The following EPHA5 variants were observed in gnomAD, a reference collection of about 807,000 sequenced individuals.
EPHA5 encodes EPH receptor A5, also known as ephrin type-A receptor 5.
A neutral mutation model predicts 105.0 loss-of-function variants in EPHA5; 60 were observed. The ratio of observed to expected loss-of-function variants is 0.57; its 90% CI spans 0.46 to 0.71. The LOEUF (loss-of-function observed/expected upper bound fraction) is 0.71, where lower values mean the gene tolerates loss of function less well. Ranked by LOEUF, EPHA5 falls within the 30% of genes least tolerant of loss-of-function variation. The pLI is 0.00. For synonymous variants in EPHA5, 513 were observed against 449.1 expected (o/e 1.14, Z -1.80); for missense variants, 1,218 against 1,274.7 (o/e 0.96, Z 0.68).
chr4:65,338,136 C>CT (rs1721359813), intron 14 of EPHA5, among the ~76,000 whole-genome samples: 1 of 151,760 alleles, frequency 6.6e-6, no homozygotes, highest in Non-Finnish European at 1.5e-5. Context: ...AATAACAATG[C>CT]TAAACAAGCC....
At chr4:65,558,130 A>C (rs1009531637) in intron 3 of EPHA5, among the ~76,000 whole-genome samples, 1 of 151,850 alleles carries the variant, frequency 6.6e-6, no homozygotes, top group Non-Finnish European at 1.5e-5. Context: ...GCCCACCTCA[A>C]CCTCCCAAAG....
intron 2 of EPHA5, among the ~76,000 whole-genome samples, chr4:65,640,282 CTTTTT>C (rs869149037): frequency 1.1e-5 from 1 of 92,224 alleles, no homozygotes; most frequent in Non-Finnish European, 2.0e-5. Context: ...TCAGTTTTTT[CTTTTT>C]TTTTTTTTTT....
At chr4:65,454,835 G>A (rs1181396808) in intron 5 of EPHA5, among the ~76,000 whole-genome samples, 2 of 152,218 alleles carry the variant, frequency 1.3e-5, no homozygotes, top group Non-Finnish European at 1.5e-5. Flanking sequence ...AATGGGTTAT[G>A]AATAGCCTTT....
At chr4:65,525,285 A>T (rs1735124540) in intron 3 of EPHA5, among the ~76,000 whole-genome samples, 1 of 151,764 alleles carries the variant, frequency 6.6e-6, no homozygotes, top group Non-Finnish European at 1.5e-5. Flanking sequence ...TATAAAAGAG[A>T]AATAATTTAA....
intron 11 of EPHA5, among the ~76,000 whole-genome samples, chr4:65,363,621 T>C (rs1002510614): frequency 1.3e-5 from 2 of 151,520 alleles, no homozygotes; most frequent in African/African-American, 2.4e-5. Context: ...GTGAATAAGG[T>C]GATGGAGACA....
At chr4:65,539,926 A>G (rs1298061981) in intron 3 of EPHA5, among the ~76,000 whole-genome samples, 1 of 151,456 alleles carries the variant, frequency 6.6e-6, no homozygotes, top group African/African-American at 2.4e-5. Context: ...CACATATGTT[A>G]TCACTATATT....
At chr4:65,618,648 A>T (rs189996569) in intron 2 of EPHA5, among the ~76,000 whole-genome samples, 26 of 152,308 alleles carry the variant, frequency 1.7e-4, no homozygotes, top group African/African-American at 5.5e-4. Flanking sequence ...CGAATTTTAC[A>T]GTAATACTAA....
chr4:65,450,886 A>C (rs4623070), intron 5 of EPHA5, among the ~76,000 whole-genome samples: 143,869 of 152,184 alleles, frequency 0.95, 68,224 homozygotes, highest in East Asian at 1. Context: ...TCTTTTATGC[A>C]CTTTAACTTA....
intron 5 of EPHA5, among the ~76,000 whole-genome samples, chr4:65,469,701 T>A (rs1578188660): frequency 6.6e-6 from 1 of 152,172 alleles, no homozygotes; most frequent in Non-Finnish European, 1.5e-5. Context: ...ATTTCTGTAA[T>A]AAATGTACTT....
intron 5 of EPHA5, among the ~76,000 whole-genome samples, chr4:65,440,047 A>G (rs1196119745): frequency 6.6e-6 from 1 of 152,098 alleles, no homozygotes; most frequent in East Asian, 1.9e-4. Flanking sequence ...CTTGACACTA[A>G]TACTATGTTT....
intron 5 of EPHA5, among the ~76,000 whole-genome samples, chr4:65,473,470 T>C (rs1729488541): frequency 6.6e-6 from 1 of 152,144 alleles, no homozygotes; most frequent in Admixed American, 6.6e-5. Flanking sequence ...TCAGGAAAGT[T>C]ACAATTTTGG....
At chr4:65,493,540 A>G (rs920257072) in intron 4 of EPHA5, among the ~76,000 whole-genome samples, 11 of 152,188 alleles carry the variant, frequency 7.2e-5, no homozygotes, top group Non-Finnish European at 1.3e-4. Flanking sequence ...CTAAAAACAT[A>G]CACACACACT....
chr4:65,617,947 C>T (rs1308581309), intron 2 of EPHA5, among the ~76,000 whole-genome samples: 1 of 152,106 alleles, frequency 6.6e-6, no homozygotes, highest in Non-Finnish European at 1.5e-5. Context: ...AAAGCTTCAG[C>T]TCTTCATATA....
intron 1 of EPHA5, among the ~76,000 whole-genome samples, chr4:65,664,280 C>A (rs1239365539): frequency 6.6e-6 from 1 of 151,850 alleles, no homozygotes; most frequent in Non-Finnish European, 1.5e-5. Context: ...TGTTAGTTTT[C>A]TAACTGTCAT....
chr4:65,398,641 A>G (rs911846227), intron 8 of EPHA5, among the ~76,000 whole-genome samples: 1 of 152,160 alleles, frequency 6.6e-6, no homozygotes, highest in African/African-American at 2.4e-5. Context: ...TTGGAAGCCC[A>G]TAAAAACCCT....
intron 3 of EPHA5, among the ~76,000 whole-genome samples, chr4:65,556,069 T>C (rs1365354255): frequency 6.6e-6 from 1 of 152,182 alleles, no homozygotes; most frequent in Non-Finnish European, 1.5e-5. Context: ...CATCAATTCT[T>C]ATTGATATTT....
chr4:65,639,820 T>TG (rs36004998), intron 2 of EPHA5, among the ~76,000 whole-genome samples: 8,531 of 152,276 alleles, frequency 0.056, 317 homozygotes, highest in South Asian at 0.094. Flanking sequence ...TATCTTCAAG[T>TG]GGGCTTATCC....
At chr4:65,391,284 T>C (rs1016055284) in intron 8 of EPHA5, among the ~76,000 whole-genome samples, 6 of 152,112 alleles carry the variant, frequency 3.9e-5, no homozygotes, top group East Asian at 1.9e-4. Flanking sequence ...TTTATCACTA[T>C]AACTATCACA....
intron 5 of EPHA5, among the ~76,000 whole-genome samples, chr4:65,422,981 T>C (rs1432864123): frequency 6.6e-6 from 1 of 152,084 alleles, no homozygotes; most frequent in Non-Finnish European, 1.5e-5. Flanking sequence ...CCTTAGTCTT[T>C]AATTAATGTC....
Sources: allele counts gnomAD v4.1 joint callset (sites outside exome capture counted in the v4.1 genomes callset), GRCh38; gene constraint gnomAD v4.1.1; transcripts MANE v1.5; gene names NCBI Gene and HGNC (gene_info 2026-07-23, HGNC 2026-07-21).